The following ZNF608 variants were observed in gnomAD, a reference collection of about 807,000 sequenced individuals.
ZNF608 encodes the protein renal carcinoma antigen NY-REN-36.
In ZNF608, 12 loss-of-function variants were observed where a neutral mutation model predicts 109.0. The ratio of observed to expected loss-of-function variants is 0.11; its 90% confidence interval spans 0.07 to 0.18. The LOEUF (loss-of-function observed/expected upper bound fraction) is 0.18, where lower values mean the gene tolerates loss of function less well. ZNF608 is among the 10% of genes least tolerant of loss of function. The pLI is 1.00. For synonymous variants in ZNF608, 732 were observed against 717.4 expected, an observed-to-expected ratio of 1.02 and a Z score of -0.33; for missense variants, 1,707 against 1,879.3, an observed-to-expected ratio of 0.91 and a Z score of 1.70.
chr5:124,665,328 T>C (rs1751434220), intron 3 of ZNF608, among the ~76,000 whole-genome samples: 1 of 152,226 alleles, frequency 6.6e-6, no homozygotes, highest in African/African-American at 2.4e-5. Flanking sequence ...AGGTGTTAAA[T>C]ACTTACTGGC....
intron 2 of ZNF608, among the ~76,000 whole-genome samples, chr5:124,728,138 C>A (rs566779056): frequency 2.6e-5 from 4 of 152,204 alleles, no homozygotes; most frequent in Non-Finnish European, 4.4e-5. Flanking sequence ...ATTTAAGACA[C>A]CAGGAAAGCT....
At chr5:124,703,089 G>T (rs367754533) in intron 2 of ZNF608, among the ~76,000 whole-genome samples, 13 of 148,358 alleles carry the variant, frequency 8.8e-5, no homozygotes, top group South Asian at 2.2e-4. Context: ...TAAACCAGTG[G>T]TTTTTTTTTT....
chr5:124,690,185 G>A (rs1752556817), intron 3 of ZNF608, among the ~76,000 whole-genome samples: 1 of 152,212 alleles, frequency 6.6e-6, no homozygotes, highest in Non-Finnish European at 1.5e-5. Context: ...GCAAAACAAT[G>A]GAGACAATAA....
intron 2 of ZNF608, among the ~76,000 whole-genome samples, chr5:124,741,228 C>T (rs576103616): frequency 1.3e-5 from 2 of 151,948 alleles, no homozygotes; most frequent in Non-Finnish European, 2.9e-5. Context: ...GTAGAACACT[C>T]ATTGATTTAA....
intron 3 of ZNF608, among the ~76,000 whole-genome samples, chr5:124,658,211 G>C (rs1371678166): frequency 6.6e-6 from 1 of 152,072 alleles, no homozygotes; most frequent in Non-Finnish European, 1.5e-5. Flanking sequence ...ATTTAACTGG[G>C]ATGCATCAAA....
intron 2 of ZNF608, among the ~76,000 whole-genome samples, chr5:124,703,172 T>C (rs1199653384): frequency 1.3e-5 from 2 of 151,886 alleles, no homozygotes; most frequent in Non-Finnish European, 2.9e-5. Context: ...ATGTATAAAT[T>C]GAAAAGAAAA....
chr5:124,708,048 A>T (rs1753331908), intron 2 of ZNF608: 1 of 152,206 alleles, frequency 6.6e-6, no homozygotes, highest in Admixed American at 6.5e-5. Context: ...TTCTCACAAC[A>T]TTCCTGTTTT....
chr5:124,674,372 A>C (rs926905309), intron 3 of ZNF608, among the ~76,000 whole-genome samples: 7 of 152,292 alleles, frequency 4.6e-5, no homozygotes, highest in Admixed American at 3.9e-4. Flanking sequence ...ATGGGGCCCA[A>C]ATATCAGTAG....
intron 3 of ZNF608, among the ~76,000 whole-genome samples, chr5:124,654,804 T>C (rs530150901): frequency 1.7e-4 from 26 of 152,312 alleles, no homozygotes; most frequent in African/African-American, 6.3e-4. Flanking sequence ...TATTGTGATC[T>C]CGAAGTCCTC....
At chr5:124,651,192 T>C (rs897877367) in intron 3 of ZNF608, among the ~76,000 whole-genome samples, 3 of 152,212 alleles carry the variant, frequency 2.0e-5, no homozygotes, top group Non-Finnish European at 4.4e-5. Context: ...GAAATTTTTT[T>C]AAAACCATTG....
chr5:124,734,175 G>C (rs1400105273), intron 2 of ZNF608, among the ~76,000 whole-genome samples: 1 of 152,106 alleles, frequency 6.6e-6, no homozygotes, highest in Non-Finnish European at 1.5e-5. Context: ...CAAGATGCTT[G>C]AGGACTAAAT....
At chr5:124,725,733 C>T (rs953939282) in intron 2 of ZNF608, among the ~76,000 whole-genome samples, 2 of 152,118 alleles carry the variant, frequency 1.3e-5, no homozygotes, top group African/African-American at 4.8e-5. Flanking sequence ...TATTCTCTGA[C>T]TTTCTCCTGT....
chr5:124,698,621 A>T lies in ZNF608; in HGVS notation c.1162+2393T>A, dbSNP rs557857811. Among the ~76,000 whole-genome samples, 4 of 152,330 alleles carry T rather than the reference A, an allele frequency of 2.6e-5. No homozygotes were observed. In the South Asian group the frequency reaches 8.3e-4, roughly 32 times the overall value. On this transcript the variant is annotated intron_variant, in intron 3 of 9. Transcript: ENST00000513986. ...GTATAAAGGCAGTTGGACTCAGGAGACCAGTTTTTCAGAGGACAGAGTGGA... is the reference window on the plus strand; with the variant it reads ...GTATAAAGGCAGTTGGACTCAGGAGTCCAGTTTTTCAGAGGACAGAGTGGA...
intron 2 of ZNF608, among the ~76,000 whole-genome samples, chr5:124,702,558 G>A (rs12513661): frequency 0.082 from 12,472 of 151,818 alleles, 605 homozygotes; most frequent in South Asian, 0.14. Context: ...GTCATATGAG[G>A]AAGTGTGCTC....
chr5:124,692,515 T>G (rs1752664997), intron 3 of ZNF608, among the ~76,000 whole-genome samples: 1 of 152,216 alleles, frequency 6.6e-6, no homozygotes. Flanking sequence ...ACTGCCAAAA[T>G]CAGATGCTAG....
At chr5:124,708,429 A>C (rs1753348225) in intron 2 of ZNF608, among the ~76,000 whole-genome samples, 1 of 152,256 alleles carries the variant, frequency 6.6e-6, no homozygotes, top group African/African-American at 2.4e-5. Context: ...AATGTAAAAT[A>C]GAAGATGAGA....
intron 3 of ZNF608, among the ~76,000 whole-genome samples, chr5:124,653,318 T>C (rs1214303934): frequency 1.3e-5 from 2 of 152,246 alleles, no homozygotes; most frequent in Admixed American, 6.5e-5. Flanking sequence ...CAAAAAAGCC[T>C]GAGACCTCAT....
At chr5:124,733,929 C>T (rs1749025780) in intron 2 of ZNF608, among the ~76,000 whole-genome samples, 1 of 152,052 alleles carries the variant, frequency 6.6e-6, no homozygotes, top group Admixed American at 6.5e-5. Flanking sequence ...AATAAATTCT[C>T]CACCTCCTGA....
intron 3 of ZNF608, among the ~76,000 whole-genome samples, chr5:124,681,418 C>A (rs1752191588): frequency 6.6e-6 from 1 of 152,158 alleles, no homozygotes; most frequent in African/African-American, 2.4e-5. Context: ...GATTGTGCCA[C>A]TGCACTCCAG....
Sources: allele counts gnomAD v4.1 joint callset (sites outside exome capture counted in the v4.1 genomes callset), GRCh38; gene constraint gnomAD v4.1.1; transcripts MANE v1.5; gene names NCBI Gene and HGNC (gene_info 2026-07-23, HGNC 2026-07-21).